Variants in VRK2 observed in about 807,000 individuals in gnomAD.
VRK2 encodes serine/threonine-protein kinase VRK2.
In VRK2, 60 loss-of-function variants were observed where a neutral mutation model predicts 57.6. The observed-to-expected ratio is 1.04, with a 90% CI of 0.85 to 1.29. The LOEUF (loss-of-function observed/expected upper bound fraction) is 1.29, where lower values mean the gene tolerates loss of function less well. Ranked by LOEUF, VRK2 falls within the 50% of genes most tolerant of loss-of-function variation. The pLI, the probability that VRK2 is intolerant of heterozygous loss-of-function variation, is 0.00. For missense variants in VRK2, 705 were observed against 588.1 expected, an observed-to-expected ratio of 1.20 and a Z score of -2.06; for synonymous variants, 231 against 199.2, an observed-to-expected ratio of 1.16 and a Z score of -1.35.
intron 1 of VRK2, among the ~76,000 whole-genome samples, chr2:57,930,655 TAC>T (rs1314748548): frequency 6.6e-6 from 1 of 152,184 alleles, no homozygotes; most frequent in Non-Finnish European, 1.5e-5. Context: ...ATATATTAAC[TAC>T]AGTCACCATG....
At chr2:58,135,457 T>TA (rs397968160) in intron 10 of VRK2, among the ~76,000 whole-genome samples, 1 of 151,516 alleles carries the variant, frequency 6.6e-6, no homozygotes, top group Non-Finnish European at 1.5e-5. Flanking sequence ...TTTTTTTTTT[T>TA]AAGATCTCTA....
At chr2:58,066,448 A>G (rs1215389645) in intron 2 of VRK2, among the ~76,000 whole-genome samples, 1 of 152,008 alleles carries the variant, frequency 6.6e-6, no homozygotes, top group Admixed American at 6.6e-5. Flanking sequence ...ATTTTTATGT[A>G]TTTCTGGATT....
At chr2:57,937,435 T>TCA (rs1670950029) in intron 1 of VRK2, among the ~76,000 whole-genome samples, 1 of 152,168 alleles carries the variant, frequency 6.6e-6, no homozygotes, top group African/African-American at 2.4e-5. Flanking sequence ...AGGACACAAA[T>TCA]CACAGCTTTT....
chr2:58,025,107 T>C (rs1307337794), intron 1 of VRK2, among the ~76,000 whole-genome samples: 1 of 152,210 alleles, frequency 6.6e-6, no homozygotes, highest in African/African-American at 2.4e-5. Context: ...TGCAGTTTAG[T>C]AGAGTGGCTA....
At chr2:58,074,846 G>A (rs1280593176) in intron 2 of VRK2, among the ~76,000 whole-genome samples, 3 of 151,976 alleles carry the variant, frequency 2.0e-5, no homozygotes, top group African/African-American at 7.2e-5. Context: ...GAGAATATGA[G>A]ACCTTTTATA....
chr2:58,119,017 G>A (rs983650323), intron 7 of VRK2, among the ~76,000 whole-genome samples: 39 of 152,224 alleles, frequency 2.6e-4, no homozygotes, highest in Admixed American at 1.7e-3. Context: ...CAGTTAAGGC[G>A]GGGCAGGGCC....
At chr2:58,150,857 C>T (rs548742550) in intron 12 of VRK2, among the ~76,000 whole-genome samples, 30 of 151,228 alleles carry the variant, frequency 2.0e-4, no homozygotes, top group African/African-American at 7.0e-4. Flanking sequence ...AATGTATTTT[C>T]TAATGTCCCT....
At chr2:57,986,080 T>C (rs1022864267) in intron 1 of VRK2, among the ~76,000 whole-genome samples, 8 of 152,246 alleles carry the variant, frequency 5.3e-5, no homozygotes, top group East Asian at 1.9e-4. Context: ...CCTTGAAGCA[T>C]AAAGCAGAGC....
intron 8 of VRK2, among the ~76,000 whole-genome samples, chr2:58,129,700 G>C (rs1179424343): frequency 1.3e-5 from 2 of 152,168 alleles, no homozygotes; most frequent in Admixed American, 1.3e-4. Context: ...CATTGGCAAA[G>C]TCTAAGATTT....
chr2:58,105,235 C>A (rs1674561924), intron 7 of VRK2, among the ~76,000 whole-genome samples: 1 of 151,774 alleles, frequency 6.6e-6, no homozygotes, highest in Non-Finnish European at 1.5e-5. Context: ...AACCTCTGCA[C>A]AGCAAGAGAA....
chr2:57,966,899 G>C (rs1474316351), intron 1 of VRK2, among the ~76,000 whole-genome samples: 3 of 152,100 alleles, frequency 2.0e-5, no homozygotes, highest in Non-Finnish European at 4.4e-5. Flanking sequence ...CCAGTAGAAT[G>C]GTTAGTAGTG....
intron 7 of VRK2, among the ~76,000 whole-genome samples, chr2:58,101,084 A>G (rs1673893813): frequency 6.6e-6 from 1 of 151,660 alleles, no homozygotes; most frequent in Non-Finnish European, 1.5e-5. Context: ...GTAGTGATGG[A>G]TGGAAAATAT....
At chr2:58,017,906 A>C (rs1255372119) in intron 1 of VRK2, 1 of 152,236 alleles carries the variant, frequency 6.6e-6, no homozygotes, top group African/African-American at 2.4e-5. Flanking sequence ...ATTACGTGAA[A>C]ATATTCGTAG....
intron 12 of VRK2, among the ~76,000 whole-genome samples, chr2:58,149,950 A>C (rs756863181): frequency 3.3e-4 from 49 of 146,986 alleles, no homozygotes; most frequent in Non-Finnish European, 6.0e-4. Context: ...AGGTTTTTAT[A>C]CCTAGACTGA....
intron 2 of VRK2, among the ~76,000 whole-genome samples, chr2:58,081,496 A>G (rs1038102842): frequency 2.0e-5 from 3 of 151,484 alleles, no homozygotes; most frequent in Admixed American, 6.6e-5. Flanking sequence ...CTTGCCATCT[A>G]TTAAATTGTT....
intron 1 of VRK2, among the ~76,000 whole-genome samples, chr2:57,995,719 G>A (rs1485064098): frequency 6.6e-6 from 1 of 152,132 alleles, no homozygotes; most frequent in East Asian, 1.9e-4. Context: ...TAGTACTCAA[G>A]CATCCAGATT....
Position 58,087,078 on chromosome 2 carries a change from T to C in VRK2, c.344+652T>C, listed in dbSNP as rs1671741062. Among the ~76,000 whole-genome samples, 3 of 152,212 alleles carry C rather than the reference T, an allele frequency of 2.0e-5. 1 individual carries two copies. The South Asian group carries it at 6.2e-4, about 32-fold the overall frequency. ...AAACCACCAAATATGGCTAGTCCTATATATAATTTATTAATAGTGTTTGAA... is the reference window on the plus strand; with the variant it reads ...AAACCACCAAATATGGCTAGTCCTACATATAATTTATTAATAGTGTTTGAA... On this transcript the variant is annotated intron_variant, in intron 5 of 12. Coordinates refer to ENST00000340157, the MANE Select transcript of VRK2 (RefSeq NM_006296.7).
intron 7 of VRK2, among the ~76,000 whole-genome samples, chr2:58,121,252 A>G (rs757070611): frequency 3.9e-5 from 6 of 152,222 alleles, no homozygotes; most frequent in Admixed American, 6.5e-5. Flanking sequence ...TCTTTGTGCT[A>G]GTGAGTACAT....
intron 7 of VRK2, among the ~76,000 whole-genome samples, chr2:58,105,536 C>G (rs1674612686): frequency 6.6e-6 from 1 of 151,580 alleles, no homozygotes. Context: ...ATGAGAAAGA[C>G]AAAAAATAAC....
Sources: gnomAD v4.1 joint callset for allele counts (sites outside exome capture counted in the v4.1 genomes callset) on GRCh38, gnomAD v4.1.1 for gene constraint, MANE v1.5 for transcripts, NCBI Gene and HGNC (gene_info 2026-07-23, HGNC 2026-07-21) for gene names.